Variants in MAP3K20 observed in about 807,000 individuals in gnomAD.
MAP3K20 encodes mitogen-activated protein kinase kinase kinase 20.
A neutral mutation model predicts 85.7 loss-of-function variants in MAP3K20; 40 were observed. The observed-to-expected ratio is 0.47, with a 90% CI of 0.36 to 0.61. MAP3K20 has a LOEUF of 0.61. MAP3K20 is among the 20% of genes least tolerant of loss of function. The pLI is 0.00. For missense variants in MAP3K20, 817 were observed against 961.7 expected (o/e 0.85, Z 1.99); for synonymous variants, 325 against 327.7 (o/e 0.99, Z 0.09).
intron 2 of MAP3K20, among the ~76,000 whole-genome samples, chr2:173,103,936 A>G (rs181715047): frequency 2.0e-5 from 3 of 152,316 alleles, no homozygotes; most frequent in African/African-American, 4.8e-5. Flanking sequence ...AATATTGAGT[A>G]TTTATTACAT....
intron 2 of MAP3K20, among the ~76,000 whole-genome samples, chr2:173,115,760 G>A (rs1688103640): frequency 6.6e-6 from 1 of 152,174 alleles, no homozygotes; most frequent in Non-Finnish European, 1.5e-5. Flanking sequence ...GTCCTGTGAT[G>A]TGAACCGCCT....
chr2:173,265,136 T>C (rs1341847119), intron 19 of MAP3K20, among the ~76,000 whole-genome samples: 1 of 152,206 alleles, frequency 6.6e-6, no homozygotes, highest in Non-Finnish European at 1.5e-5. Flanking sequence ...GAGCTCGGGG[T>C]CACCTGTGCC....
chr2:173,199,479 C>T (rs1407964742), intron 8 of MAP3K20, among the ~76,000 whole-genome samples: 3 of 152,150 alleles, frequency 2.0e-5, no homozygotes, highest in Non-Finnish European at 4.4e-5. Context: ...CTGATATTGT[C>T]GTCATATGAG....
intron 2 of MAP3K20, among the ~76,000 whole-genome samples, chr2:173,097,254 G>T (rs758973727): frequency 6.6e-6 from 1 of 152,166 alleles, no homozygotes; most frequent in Non-Finnish European, 1.5e-5. Flanking sequence ...TACTCGGGAG[G>T]CTGAGGCAGG....
chr2:173,109,530 C>CCCACAGATATTTG (rs1687881932), intron 2 of MAP3K20, among the ~76,000 whole-genome samples: 1 of 151,734 alleles, frequency 6.6e-6, no homozygotes, highest in Admixed American at 6.6e-5. Flanking sequence ...GGAATGTCTA[C>CCCACAGATATTTG]CCACAGATAT....
chr2:173,201,110 T>G (rs1025367952), intron 8 of MAP3K20, among the ~76,000 whole-genome samples: 1 of 152,208 alleles, frequency 6.6e-6, no homozygotes, highest in East Asian at 1.9e-4. Context: ...AGATTACTTT[T>G]TGCATCTATA....
intron 17 of MAP3K20, among the ~76,000 whole-genome samples, chr2:173,259,154 T>G (rs1685230181): frequency 6.6e-6 from 1 of 152,222 alleles, no homozygotes. Context: ...TTTGACTATT[T>G]AAACTTTGGA....
At position 173,203,790 on chromosome 2, in the gene MAP3K20, T is replaced by C; in HGVS notation, c.670-6T>C. 1 of 1,609,632 alleles carries C rather than the reference T, an allele frequency of 6.2e-7. No individual in the cohort carries two copies. The highest frequency in any genetic ancestry group is 2.2e-5 in the East Asian group (1 of 44,808). Reference sequence around the variant, plus strand: ...ATTTTGTTTTGTTTCCCTCTGTCTATTGTAGAGATTAACCATTCCAAGCAG... The same window carrying C: ...ATTTTGTTTTGTTTCCCTCTGTCTACTGTAGAGATTAACCATTCCAAGCAG... On this transcript the variant is annotated splice_region_variant and splice_polypyrimidine_tract_variant and intron_variant, in intron 8 of 19. Transcript: ENST00000375213.
chr2:173,206,205 T>C (rs938310558), intron 9 of MAP3K20, among the ~76,000 whole-genome samples: 1 of 152,248 alleles, frequency 6.6e-6, no homozygotes, highest in African/African-American at 2.4e-5. Flanking sequence ...GAGCACTCAG[T>C]ACCACATTAA....
intron 2 of MAP3K20, among the ~76,000 whole-genome samples, chr2:173,151,107 T>C (rs1000419807): frequency 5.9e-5 from 9 of 152,140 alleles, no homozygotes; most frequent in African/African-American, 2.2e-4. Context: ...GGCTACAGTT[T>C]AGCTTGCCAC....
intron 14 of MAP3K20, among the ~76,000 whole-genome samples, chr2:173,237,282 A>G (rs1246832274): frequency 2.0e-5 from 3 of 151,936 alleles, no homozygotes; most frequent in Non-Finnish European, 4.4e-5. Flanking sequence ...CCACCTCAGC[A>G]TCCCAAAGTG....
chr2:173,187,454 G>A, intron 4 of MAP3K20, 104 bp from the exon 5 acceptor site: 1 of 872,346 alleles, frequency 1.1e-6, no homozygotes, highest in South Asian at 1.8e-5. Flanking sequence ...AATAAGACAT[G>A]TGAATTAGTT....
chr2:173,238,192 T>C (rs1057456138), intron 14 of MAP3K20, among the ~76,000 whole-genome samples, 181 bp from the exon 15 acceptor site: 1 of 152,198 alleles, frequency 6.6e-6, no homozygotes, highest in Non-Finnish European at 1.5e-5. Flanking sequence ...CTTTAAATAA[T>C]TACAAACCAC....
chr2:173,102,412 T>C (rs551473385), intron 2 of MAP3K20, among the ~76,000 whole-genome samples: 3 of 152,330 alleles, frequency 2.0e-5, no homozygotes, highest in East Asian at 1.9e-4. Context: ...GTGGTTCTTA[T>C]CTGGTTTGTT....
intron 2 of MAP3K20, among the ~76,000 whole-genome samples, chr2:173,132,857 A>G (rs989016680): frequency 1.3e-5 from 2 of 152,260 alleles, no homozygotes; most frequent in African/African-American, 4.8e-5. Context: ...AAGAGAACAC[A>G]CAAGAAGTGT....
Position 173,209,590 on chromosome 2 carries a change from A to T in MAP3K20, c.745-139A>T, listed in dbSNP as rs1241908977. On this transcript the variant is annotated intron_variant, in intron 9 of 19. Transcript: ENST00000375213. ...TGAGTGATCTGATGATTGTAAAATA[A>T]CTACATCAGGACATTGTATCATGTT... is the stretch of plus-strand genomic sequence containing the variant. 11 of 646,010 alleles carry T rather than the reference A, an allele frequency of 1.7e-5. 1 individual carries two copies. In the South Asian group the frequency reaches 2.2e-4, roughly 13 times the overall value. The allele number at this position is 646,010 out of a possible 1,614,324, so 40.0% of individuals were successfully genotyped here.
At chr2:173,170,107 C>T (rs779494644) in intron 3 of MAP3K20, among the ~76,000 whole-genome samples, 16 of 152,160 alleles carry the variant, frequency 1.1e-4, no homozygotes, top group Admixed American at 6.5e-5. Flanking sequence ...CTAATTATAT[C>T]TGCGTAAATG....
intron 10 of MAP3K20, among the ~76,000 whole-genome samples, chr2:173,214,905 C>T (rs959673190): frequency 6.6e-6 from 1 of 152,164 alleles, no homozygotes; most frequent in East Asian, 1.9e-4. Context: ...GGGGTTACAT[C>T]TCTAATGGCA....
chr2:173,132,378 C>T (rs1240078126), intron 2 of MAP3K20, among the ~76,000 whole-genome samples: 1 of 152,136 alleles, frequency 6.6e-6, no homozygotes, highest in African/African-American at 2.4e-5. Context: ...ACTCCCCACC[C>T]CTTGCACCCC....
Sources: allele counts gnomAD v4.1 joint callset (sites outside exome capture counted in the v4.1 genomes callset), GRCh38; gene constraint gnomAD v4.1.1; transcripts MANE v1.5; gene names NCBI Gene and HGNC (gene_info 2026-07-23, HGNC 2026-07-21).